Variants in JAKMIP2 observed in about 807,000 individuals in gnomAD.
JAKMIP2 encodes janus kinase and microtubule interacting protein 2.
A neutral mutation model predicts 115.0 loss-of-function variants in JAKMIP2; 25 were observed. The observed-to-expected ratio is 0.22, with a 90% confidence interval of 0.16 to 0.30. The LOEUF is 0.30. JAKMIP2 is among the 10% of genes least tolerant of loss of function. The pLI, the probability that JAKMIP2 is intolerant of heterozygous loss-of-function variation, is 1.00. For missense variants in JAKMIP2, 642 were observed against 957.6 expected, an observed-to-expected ratio of 0.67 and a Z score of 4.35; for synonymous variants, 334 against 343.6, an observed-to-expected ratio of 0.97 and a Z score of 0.31.
intron 1 of JAKMIP2, among the ~76,000 whole-genome samples, chr5:147,773,020 T>C (rs1243665198): frequency 1.3e-5 from 2 of 152,148 alleles, no homozygotes; most frequent in African/African-American, 4.8e-5. Context: ...CTTTCATACT[T>C]GCTATATTCA....
intron 1 of JAKMIP2, among the ~76,000 whole-genome samples, chr5:147,706,028 T>C (rs1039157157): frequency 8.5e-5 from 13 of 152,212 alleles, no homozygotes; most frequent in African/African-American, 3.1e-4. Flanking sequence ...TACTTGAACA[T>C]GTGTGAAATG....
intron 2 of JAKMIP2, among the ~76,000 whole-genome samples, chr5:147,662,538 T>C (rs1438593413): frequency 1.3e-5 from 2 of 152,056 alleles, no homozygotes; most frequent in Non-Finnish European, 2.9e-5. Flanking sequence ...GCCCAGACAT[T>C]TGTGTCTCGA....
chr5:147,603,648 GT>G (rs2126592269), intron 20 of JAKMIP2, among the ~76,000 whole-genome samples: 1 of 152,284 alleles, frequency 6.6e-6, no homozygotes, highest in East Asian at 1.9e-4. Flanking sequence ...CAACTGGATT[GT>G]TTTTGAAGTG....
intron 21 of JAKMIP2, among the ~76,000 whole-genome samples, chr5:147,597,427 G>T (rs1444420565): frequency 1.3e-5 from 2 of 152,128 alleles, no homozygotes; most frequent in Non-Finnish European, 2.9e-5. Context: ...TAACACTGGA[G>T]AAATATCATT....
intron 1 of JAKMIP2, among the ~76,000 whole-genome samples, chr5:147,704,684 C>T (rs1752499139): frequency 6.6e-6 from 1 of 152,042 alleles, no homozygotes; most frequent in African/African-American, 2.4e-5. Flanking sequence ...AATCAATTGC[C>T]CCAGTCATTA....
chr5:147,643,695 T>C (rs1042676719), intron 7 of JAKMIP2, among the ~76,000 whole-genome samples: 12 of 152,248 alleles, frequency 7.9e-5, no homozygotes, highest in African/African-American at 2.9e-4. Flanking sequence ...ATATATGTGA[T>C]GTTGTTAGCA....
chr5:147,654,771 G>A (rs949249799), intron 3 of JAKMIP2, among the ~76,000 whole-genome samples: 2 of 152,168 alleles, frequency 1.3e-5, no homozygotes, highest in African/African-American at 2.4e-5. Context: ...TGGTGAGAGA[G>A]GGCATCCTTG....
At chr5:147,702,652 GA>G (rs1212586942) in intron 1 of JAKMIP2, among the ~76,000 whole-genome samples, 1 of 118,632 alleles carries the variant, frequency 8.4e-6, no homozygotes, top group South Asian at 2.8e-4. Flanking sequence ...AAGAAAGAAA[GA>G]AAGAAAGAAA....
intron 4 of JAKMIP2, among the ~76,000 whole-genome samples, chr5:147,649,840 C>T (rs1581353544): frequency 6.6e-6 from 1 of 152,070 alleles, no homozygotes; most frequent in Admixed American, 6.6e-5. Flanking sequence ...AAAATAATTT[C>T]TCATATAAAA....
In JAKMIP2 at chr5:147,782,654, C is replaced by T; in HGVS notation, c.-347G>A. 1 of 619,676 alleles carries T rather than the reference C, an allele frequency of 1.6e-6. No homozygotes were observed. Among genetic ancestry groups the T allele is most frequent in the Middle Eastern group, 3.0e-4 (1 of 3,372 alleles). The allele number at this position is 619,676 out of a possible 1,614,324, so 38.4% of individuals were successfully genotyped here. A position where few individuals can be genotyped will look rare whatever the true frequency, so the allele number is the denominator to read the frequency against. Reference sequence around the variant, plus strand: ...CCCACTAGAGTATCAGCAATAGAGGCGGCGGCGGCGGCAGCAGCAGCAGCA... The same window carrying T: ...CCCACTAGAGTATCAGCAATAGAGGTGGCGGCGGCGGCAGCAGCAGCAGCA... On this transcript the variant is annotated 5_prime_UTR_variant, in exon 1 of 22. Coordinates refer to ENST00000616793, the MANE Select transcript of JAKMIP2 (RefSeq NM_001270941.2).
chr5:147,700,737 G>T (rs1436832732), intron 1 of JAKMIP2, among the ~76,000 whole-genome samples: 1 of 152,196 alleles, frequency 6.6e-6, no homozygotes, highest in Non-Finnish European at 1.5e-5. Context: ...AGCAACTGCT[G>T]ATCTTCAGAT....
At chr5:147,764,518 C>G (rs957627969) in intron 1 of JAKMIP2, among the ~76,000 whole-genome samples, 1 of 151,648 alleles carries the variant, frequency 6.6e-6, no homozygotes, top group East Asian at 1.9e-4. Context: ...GGAGCAAAGA[C>G]ACAAAAAATG....
intron 20 of JAKMIP2, among the ~76,000 whole-genome samples, chr5:147,611,171 G>A (rs1335038971): frequency 6.6e-6 from 1 of 152,178 alleles, no homozygotes; most frequent in African/African-American, 2.4e-5. Context: ...CTGGCTTCAG[G>A]CCCCTTTCCA....
chr5:147,623,489 C>G lies in JAKMIP2; in HGVS notation c.2064+132G>C, dbSNP rs3763090. 6,027 of 554,386 alleles carry G rather than the reference C, an allele frequency of 0.011. 376 individuals carry two copies. The East Asian group carries it at 0.14, about 13-fold the overall frequency. 34.3% of individuals were successfully genotyped at this position (554,386 alleles called of 1,614,324 possible). On this transcript the variant is annotated intron_variant, in intron 17 of 21. Transcript: ENST00000616793. ...CTTCTGGTAATTTTTTTTCCATCTT[C>G]TGTACATAAAATAATAATGGAAAGA...
chr5:147,701,271 AG>A (rs982913342), intron 1 of JAKMIP2, among the ~76,000 whole-genome samples: 13 of 152,308 alleles, frequency 8.5e-5, no homozygotes, highest in African/African-American at 3.1e-4. Context: ...GTGGTTGATT[AG>A]TGGAGACAGA....
rs1581251326 is a variant in JAKMIP2 at position 147,590,248 on chromosome 5, G to A, written c.*1459C>T. On this transcript the variant is annotated 3_prime_UTR_variant, in exon 22 of 22. Coordinates refer to ENST00000616793, the MANE Select transcript of JAKMIP2 (RefSeq NM_001270941.2). ...TCCCTACACATATTCTCTATGCATG[G>A]GAATTCTAGCCCCATAAATAAAACT... 6.6e-6 allele frequency: 1 copy of A among 152,256 alleles called. No individual in the cohort carries two copies. The highest frequency in any genetic ancestry group is 1.9e-4 in the East Asian group (1 of 5,180). The allele number at this position is 152,256 out of a possible 1,614,324, so 9.4% of individuals were successfully genotyped here. A position where few individuals can be genotyped will look rare whatever the true frequency, so the allele number is the denominator to read the frequency against.
intron 1 of JAKMIP2, among the ~76,000 whole-genome samples, chr5:147,695,551 C>A (rs1281192952): frequency 6.6e-6 from 1 of 152,096 alleles, no homozygotes; most frequent in African/African-American, 2.4e-5. Flanking sequence ...GCATGGGCAT[C>A]AGGCCCAGAT....
intron 2 of JAKMIP2, among the ~76,000 whole-genome samples, chr5:147,669,651 T>C (rs893312528): frequency 1.3e-5 from 2 of 152,188 alleles, no homozygotes; most frequent in South Asian, 4.1e-4. Flanking sequence ...CATCCTGTCA[T>C]AACTGCAATT....
At chr5:147,747,452 A>G (rs1412713813) in intron 1 of JAKMIP2, among the ~76,000 whole-genome samples, 1 of 152,132 alleles carries the variant, frequency 6.6e-6, no homozygotes, top group South Asian at 2.1e-4. Flanking sequence ...AGCAATAACA[A>G]TTGGTAACTG....
Sources: allele counts gnomAD v4.1 joint callset (sites outside exome capture counted in the v4.1 genomes callset), GRCh38; gene constraint gnomAD v4.1.1; transcripts MANE v1.5; gene names NCBI Gene and HGNC (gene_info 2026-07-23, HGNC 2026-07-21).